MAST2: variants seen among roughly 807,000 people sequenced by gnomAD.
MAST2 encodes microtubule associated serine/threonine kinase 2.
In MAST2, 70 loss-of-function variants were observed where a neutral mutation model predicts 147.4. The observed-to-expected ratio is 0.47, with a 90% CI of 0.39 to 0.58. MAST2 has a LOEUF of 0.58. Among genes scored for constraint, MAST2 ranks in the 20% least tolerant of loss-of-function variants. The pLI is 0.00. For missense variants in MAST2, 2,080 were observed against 2,302.3 expected (o/e 0.90, Z 1.98); for synonymous variants, 869 against 896.8 (o/e 0.97, Z 0.55).
chr1:45,939,544 G>C (rs1220872030), intron 4 of MAST2, among the ~76,000 whole-genome samples: 1 of 150,742 alleles, frequency 6.6e-6, no homozygotes, highest in Non-Finnish European at 1.5e-5. Flanking sequence ...TTTTTTTTTG[G>C]GGGGGTGGGG....
chr1:46,031,160 A>G lies in MAST2; in HGVS notation c.2862A>G (p.Pro954=), dbSNP rs1646647049. ...CCAGCAGCACCCTCAGGAGGCAACC[A>G]CAGGAGGGTATATGGGTCCTGACAC... The part of the protein sequence containing the change: ...EEASSTLRRQ[P]QEGIWVLTPP... The change falls in exon 23 of 29, where the codon CCA becomes CCG. Residue 954 remains proline (P), a synonymous_variant. Transcript: ENST00000361297. The surrounding 1 kb of genome is among the most constrained non-coding windows in gnomAD (Gnocchi z 4.1). 6.2e-7 allele frequency: 1 copy of G among 1,605,728 alleles called. No individual in the cohort carries two copies. Among genetic ancestry groups the G allele is most frequent in the Non-Finnish European group, 8.5e-7 (1 of 1,174,294 alleles).
At position 45,895,116 on chromosome 1, in the gene MAST2, T is replaced by G. The variant is rs180951180; in HGVS notation, c.500+12721T>G. 4.1e-4 allele frequency among the ~76,000 whole-genome samples: 63 copies of G among 152,344 alleles called. No individual in the cohort carries two copies. The East Asian group carries it at 0.012, about 28-fold the overall frequency. ...CAACCACTGATCTATTGTTTGGCAC[T>G]ACAGATTAGCTTTGCCTGTGGTAGA... On this transcript the variant is annotated intron_variant, in intron 4 of 28. Transcript: ENST00000361297.
chr1:45,903,130 T>TTTTTG (rs1290817013), intron 4 of MAST2, among the ~76,000 whole-genome samples: 1 of 120,704 alleles, frequency 8.3e-6, no homozygotes, highest in African/African-American at 3.0e-5. Context: ...TTTTGTCTTT[T>TTTTTG]TTTTTTTTTT....
intron 4 of MAST2, among the ~76,000 whole-genome samples, chr1:45,906,683 AATAATT>A (rs1570653577): frequency 6.7e-6 from 1 of 148,838 alleles, no homozygotes; most frequent in African/African-American, 2.4e-5. Context: ...TGTAACATAT[AATAATT>A]ATATTATATG....
chr1:45,846,476 G>A (rs534804548), intron 3 of MAST2, among the ~76,000 whole-genome samples: 1 of 152,072 alleles, frequency 6.6e-6, no homozygotes, highest in Non-Finnish European at 1.5e-5. Context: ...TGCAGATCAC[G>A]TCTATCTATT....
At chr1:46,008,407 C>A in intron 9 of MAST2, 36 bp downstream of exon 9, 2 of 1,468,152 alleles carry the variant, frequency 1.4e-6, no homozygotes, top group Non-Finnish European at 1.9e-6. Context: ...GGCAATACCC[C>A]TCCGGGTGGC....
At chr1:45,920,082 T>C (rs569555023) in intron 4 of MAST2, among the ~76,000 whole-genome samples, 13 of 152,208 alleles carry the variant, frequency 8.5e-5, no homozygotes, top group Non-Finnish European at 1.6e-4. Context: ...GAGGCAATAC[T>C]TTGAGTACTC....
intron 5 of MAST2, among the ~76,000 whole-genome samples, chr1:45,995,895 GA>G (rs1645036144): frequency 1.3e-5 from 2 of 152,150 alleles, no homozygotes; most frequent in African/African-American, 4.8e-5. Flanking sequence ...TTCAGGCAGT[GA>G]ACATATGTAC....
At chr1:45,853,671 T>C (rs1353013370) in intron 3 of MAST2, among the ~76,000 whole-genome samples, 1 of 152,182 alleles carries the variant, frequency 6.6e-6, no homozygotes, top group Non-Finnish European at 1.5e-5. Flanking sequence ...GTTTTTCTGT[T>C]TCTTAAAAGA....
intron 3 of MAST2, among the ~76,000 whole-genome samples, chr1:45,880,214 G>A (rs1016258649): frequency 1.3e-5 from 2 of 152,112 alleles, no homozygotes; most frequent in Admixed American, 6.5e-5. Context: ...ATTAACTGGG[G>A]TATATTATTC....
chr1:45,820,719 G>A (rs2148684214), intron 1 of MAST2, among the ~76,000 whole-genome samples: 1 of 151,408 alleles, frequency 6.6e-6, no homozygotes, highest in Admixed American at 6.6e-5. Context: ...TTATTTTTTG[G>A]ATCTTCATTT....
intron 4 of MAST2, among the ~76,000 whole-genome samples, chr1:45,939,741 C>T (rs1180628279): frequency 6.6e-6 from 1 of 152,100 alleles, no homozygotes; most frequent in East Asian, 1.9e-4. Context: ...GGAGTTTCAC[C>T]ATGTTGGCCA....
rs1646891905 is a variant in MAST2 at position 46,036,001 on chromosome 1, C to T, written c.5332C>T (p.Pro1778Ser). 6 of 1,613,576 alleles carry T rather than the reference C, an allele frequency of 3.7e-6. No homozygotes were observed. Among genetic ancestry groups the T allele is most frequent in the Non-Finnish European group, 4.2e-6 (5 of 1,179,960 alleles). Residue 1778 changes from proline (P) to serine (S), a missense_variant, in exon 29 of 29, where the codon CCA becomes TCA. Pro to Ser is a moderately conservative substitution (Grantham distance 74). This residue lies in a region of MAST2 where 1,278 missense variants were observed against 1,304.2 expected (regional missense o/e 0.98). Coordinates refer to ENST00000361297, the MANE Select transcript of MAST2 (RefSeq NM_015112.3). The part of the protein sequence containing the change: ...SEPSLRRGQE[P>S]GGHQKHRDLA... ...GCCCAGCCTCAGGAGGGGCCAAGAA[C>T]CAGGGGGCCATCAAAAGCATCGGGA...
intron 4 of MAST2, among the ~76,000 whole-genome samples, chr1:45,888,920 A>G (rs1437067905): frequency 6.7e-6 from 1 of 149,880 alleles, no homozygotes. Context: ...CTCATCATCC[A>G]TCCGCCTCGG....
At chr1:45,881,010 GT>G (rs889863758) in intron 3 of MAST2, among the ~76,000 whole-genome samples, 1 of 150,524 alleles carries the variant, frequency 6.6e-6, no homozygotes, top group South Asian at 2.1e-4. Context: ...TCTATAAAAT[GT>G]TTAGAAGAAA....
Position 45,960,887 on chromosome 1 carries a change from A to G in MAST2, c.592+1410A>G, listed in dbSNP as rs79285018. Among the ~76,000 whole-genome samples the G allele has an allele frequency of 2.2e-3, 329 of 152,334 alleles. 4 individuals are homozygous for G. Among genetic ancestry groups the G allele is most frequent in the South Asian group, 0.012 (56 of 4,828 alleles). On this transcript the variant is annotated intron_variant, in intron 5 of 28. Transcript: ENST00000361297. ...AAAGCAGTGAAATGGGTCAGCATCA[A>G]GCTGAGTAAGATGTGTATATTCTCC... is the stretch of plus-strand genomic sequence containing the variant.
At chr1:45,852,445 T>C (rs1557833840) in intron 3 of MAST2, among the ~76,000 whole-genome samples, 2 of 152,038 alleles carry the variant, frequency 1.3e-5, no homozygotes, top group African/African-American at 2.4e-5. Flanking sequence ...CACTGCAGCC[T>C]CCATCTCCCA....
At chr1:45,817,160 T>A (rs1644481780) in intron 1 of MAST2, among the ~76,000 whole-genome samples, 1 of 152,114 alleles carries the variant, frequency 6.6e-6, no homozygotes, top group African/African-American at 2.4e-5. Flanking sequence ...GGGTAGAAAG[T>A]TTATCGAAAT....
intron 3 of MAST2, among the ~76,000 whole-genome samples, chr1:45,833,132 G>A (rs1013972829): frequency 1.3e-5 from 2 of 152,034 alleles, no homozygotes; most frequent in African/African-American, 2.4e-5. Flanking sequence ...TTTTGTTGCC[G>A]AATAGTATTT....
Sources: gnomAD v4.1 joint callset for allele counts (sites outside exome capture counted in the v4.1 genomes callset) on GRCh38, gnomAD v4.1.1 for gene constraint, gnomAD v4.1.1 regional missense constraint, Gnocchi (gnomAD v3.1) non-coding constraint, MANE v1.5 for transcripts, NCBI Gene and HGNC (gene_info 2026-07-23, HGNC 2026-07-21) for gene names.